The following PAPPA2 variants were observed in gnomAD, a reference collection of about 807,000 sequenced individuals.
PAPPA2 encodes pappalysin 2.
PAPPA2 carries 86 observed loss-of-function variants against 176.4 expected under a neutral mutation model. The ratio of observed to expected loss-of-function variants is 0.49; its 90% confidence interval spans 0.41 to 0.58. The LOEUF (loss-of-function observed/expected upper bound fraction) is 0.58, where lower values mean the gene tolerates loss of function less well. Among genes scored for constraint, PAPPA2 ranks in the 20% least tolerant of loss-of-function variants. The probability of loss-of-function intolerance (pLI) is 0.00; values close to 1 mark genes in which losing one functional copy is unlikely to be tolerated. For missense variants in PAPPA2, 2,073 were observed against 2,256.9 expected (o/e 0.92, Z 1.65); for synonymous variants, 809 against 852.2 (o/e 0.95, Z 0.88).
In PAPPA2 at chr1:176,556,917, C is replaced by T; in HGVS notation, c.595C>T (p.Arg199Cys). Residue 199 changes from arginine (R) to cysteine (C), a missense_variant, in exon 2 of 23, where the codon CGC (arginine) becomes TGC (cysteine). Arg to Cys is a radical substitution (Grantham distance 180). This residue lies in a region of PAPPA2 where 1,196 missense variants were observed against 1,330.4 expected (regional missense o/e 0.90). Coordinates refer to ENST00000367662, the MANE Select transcript of PAPPA2 (RefSeq NM_020318.3). Reference sequence around the variant, plus strand: ...GGGCTGGGCCAAGTCCAGGCAGCGTCGCCAAGTGTGGAAGAGGCGGGCGGA... The same window carrying T: ...GGGCTGGGCCAAGTCCAGGCAGCGTTGCCAAGTGTGGAAGAGGCGGGCGGA... ...RRGWAKSRQR[R>C]QVWKRRAEDG... is the part of the protein sequence containing the mutation. The T allele has an allele frequency of 1.2e-6, 2 of 1,614,112 alleles. No homozygotes were observed. The highest frequency in any genetic ancestry group is 1.7e-6 in the Non-Finnish European group (2 of 1,180,034).
chr1:176,614,832 A>C (rs981750343), intron 3 of PAPPA2, among the ~76,000 whole-genome samples: 1 of 152,198 alleles, frequency 6.6e-6, no homozygotes, highest in Admixed American at 6.5e-5. Context: ...CCATTTTATC[A>C]ATTACATAGT....
chr1:176,587,603 G>C (rs974898956), intron 2 of PAPPA2, among the ~76,000 whole-genome samples: 29 of 152,310 alleles, frequency 1.9e-4, no homozygotes, highest in Admixed American at 1.8e-3. Flanking sequence ...TTGTAGATGT[G>C]TGGTGTGATT....
chr1:176,836,845 A>G (rs1667291105), intron 21 of PAPPA2: 1 of 152,204 alleles, frequency 6.6e-6, no homozygotes, highest in South Asian at 2.1e-4. Flanking sequence ...AAAATTGCTT[A>G]TGATGGGCCT....
chr1:176,553,230 G>C (rs991146484), intron 1 of PAPPA2, among the ~76,000 whole-genome samples: 11 of 146,990 alleles, frequency 7.5e-5, no homozygotes, highest in African/African-American at 2.7e-4. Context: ...TGAGAGAGCC[G>C]AGGCTGAGCG....
At chr1:176,603,826 G>A (rs765918875) in intron 3 of PAPPA2, among the ~76,000 whole-genome samples, 6 of 152,018 alleles carry the variant, frequency 3.9e-5, no homozygotes, top group South Asian at 2.1e-4. Flanking sequence ...CTGTTGCCCC[G>A]AGTCTATTTT....
intron 12 of PAPPA2, among the ~76,000 whole-genome samples, chr1:176,732,253 A>G (rs1386751892): frequency 1.3e-5 from 2 of 152,190 alleles, no homozygotes; most frequent in Non-Finnish European, 2.9e-5. Context: ...CTGAATTTGC[A>G]GTCTGTTTTA....
At chr1:176,580,395 TTATC>T (rs146770552) in intron 2 of PAPPA2, among the ~76,000 whole-genome samples, 167 of 152,368 alleles carry the variant, frequency 1.1e-3, no homozygotes, top group African/African-American at 3.9e-3. Flanking sequence ...TGCATCTTCT[TTATC>T]TATTCATCCG....
At chr1:176,541,702 A>AT (rs1367869092) in intron 1 of PAPPA2, among the ~76,000 whole-genome samples, 4 of 152,206 alleles carry the variant, frequency 2.6e-5, no homozygotes, top group African/African-American at 9.7e-5. Context: ...AACGAGAAGT[A>AT]TTTTTTGTAC....
intron 3 of PAPPA2, among the ~76,000 whole-genome samples, chr1:176,655,397 A>T (rs1228227304): frequency 1.3e-5 from 2 of 151,796 alleles, no homozygotes; most frequent in African/African-American, 4.8e-5. Context: ...TAACATCCAG[A>T]CTCTATAAGA....
intron 3 of PAPPA2, among the ~76,000 whole-genome samples, chr1:176,606,242 T>C (rs912923192): frequency 6.6e-6 from 1 of 152,216 alleles, no homozygotes; most frequent in African/African-American, 2.4e-5. Context: ...CAGACATAAG[T>C]TAAACTCTGA....
intron 21 of PAPPA2, among the ~76,000 whole-genome samples, chr1:176,838,772 C>T (rs185129306): frequency 6.6e-6 from 1 of 152,354 alleles, no homozygotes; most frequent in Admixed American, 6.5e-5. Flanking sequence ...TTCATTTTCA[C>T]TTCTTGCTCA....
At chr1:176,588,880 G>T (rs894709609) in intron 2 of PAPPA2, among the ~76,000 whole-genome samples, 1 of 152,196 alleles carries the variant, frequency 6.6e-6, no homozygotes, top group Admixed American at 6.5e-5. Flanking sequence ...TCAAGAACAG[G>T]CACACAGTCA....
At chr1:176,803,582 T>G (rs931767678) in intron 21 of PAPPA2, among the ~76,000 whole-genome samples, 2 of 152,092 alleles carry the variant, frequency 1.3e-5, no homozygotes, top group African/African-American at 2.4e-5. Flanking sequence ...ATTATATGAG[T>G]AGCTCTACTC....
At chr1:176,691,107 C>T in intron 5 of PAPPA2, 1 of 985,252 alleles carries the variant, frequency 1.0e-6, no homozygotes, top group Non-Finnish European at 1.2e-6. Flanking sequence ...TTCGCTGTCT[C>T]TCACGCCTTC....
At chr1:176,832,790 T>C (rs1667127963) in intron 21 of PAPPA2, among the ~76,000 whole-genome samples, 1 of 152,198 alleles carries the variant, frequency 6.6e-6, no homozygotes, top group Non-Finnish European at 1.5e-5. Flanking sequence ...TTTGCTTGCT[T>C]TTCTTTTCTC....
chr1:176,472,869 T>A (rs937157438), intron 1 of PAPPA2, among the ~76,000 whole-genome samples: 3 of 152,156 alleles, frequency 2.0e-5, no homozygotes, highest in African/African-American at 7.2e-5. Flanking sequence ...CAAATAAACT[T>A]TATTTTCTAG....
intron 2 of PAPPA2, among the ~76,000 whole-genome samples, chr1:176,557,500 C>T (rs1651394484): frequency 6.6e-6 from 1 of 152,168 alleles, no homozygotes; most frequent in South Asian, 2.1e-4. Context: ...TGTGCTTGCA[C>T]TTAGGAGACT....
At chr1:176,752,902 A>T (rs1242969502) in intron 14 of PAPPA2, among the ~76,000 whole-genome samples, 3 of 152,250 alleles carry the variant, frequency 2.0e-5, no homozygotes, top group African/African-American at 4.8e-5. Context: ...GAGAAGGTCG[A>T]TCTGCTGGCA....
At chr1:176,797,657 A>T (rs1008207809) in intron 20 of PAPPA2, among the ~76,000 whole-genome samples, 1 of 151,600 alleles carries the variant, frequency 6.6e-6, no homozygotes, top group East Asian at 1.9e-4. Context: ...TATATATATA[A>T]ATAAATAAAT....
Sources: allele counts gnomAD v4.1 joint callset (sites outside exome capture counted in the v4.1 genomes callset), GRCh38; gene constraint gnomAD v4.1.1; regional missense constraint gnomAD v4.1.1; transcripts MANE v1.5; gene names NCBI Gene and HGNC (gene_info 2026-07-23, HGNC 2026-07-21).